XKR4: variants seen among roughly 807,000 people sequenced by gnomAD.
XKR4 encodes XK-related protein 4.
XKR4 carries 12 observed loss-of-function variants against 53.9 expected under a neutral mutation model. The observed-to-expected ratio is 0.22, with a 90% CI of 0.14 to 0.36. The LOEUF (loss-of-function observed/expected upper bound fraction) is 0.36. Ranked by LOEUF, XKR4 falls within the 10% of genes least tolerant of loss-of-function variation. XKR4 has a pLI of 1.00. For synonymous variants in XKR4, 354 were observed against 362.4 expected, an observed-to-expected ratio of 0.98 and a Z score of 0.26; for missense variants, 799 against 859.5, an observed-to-expected ratio of 0.93 and a Z score of 0.88.
intron 1 of XKR4, among the ~76,000 whole-genome samples, chr8:55,223,448 C>T (rs1817912112): frequency 6.6e-6 from 1 of 152,192 alleles, no homozygotes. Flanking sequence ...CTCCAGTTTA[C>T]AGTCCACATG....
At chr8:55,146,883 G>C (rs1051515104) in intron 1 of XKR4, among the ~76,000 whole-genome samples, 3 of 152,194 alleles carry the variant, frequency 2.0e-5, no homozygotes, top group Admixed American at 1.3e-4. Flanking sequence ...GGGTAGGGGA[G>C]GGGGCAGCTG....
At chr8:55,326,662 G>A (rs1803299523) in intron 1 of XKR4, among the ~76,000 whole-genome samples, 1 of 151,178 alleles carries the variant, frequency 6.6e-6, no homozygotes, top group African/African-American at 2.4e-5. Context: ...ATGGAGATGA[G>A]GCTTCACCAT....
intron 2 of XKR4, among the ~76,000 whole-genome samples, chr8:55,427,941 T>G (rs1369017977): frequency 6.6e-6 from 1 of 152,254 alleles, no homozygotes; most frequent in Non-Finnish European, 1.5e-5. Context: ...GGTCTCACGA[T>G]GAGGCTACTA....
At chr8:55,258,549 A>G (rs10093829) in intron 1 of XKR4, among the ~76,000 whole-genome samples, 54 of 152,124 alleles carry the variant, frequency 3.5e-4, no homozygotes, top group African/African-American at 9.6e-4. Flanking sequence ...AATGACATCA[A>G]TGTCCACCTC....
chr8:55,319,423 T>G (rs1393697861), intron 1 of XKR4, among the ~76,000 whole-genome samples: 1 of 152,216 alleles, frequency 6.6e-6, no homozygotes, highest in East Asian at 1.9e-4. Flanking sequence ...GTCACTCTTT[T>G]GATGCACATA....
At chr8:55,414,250 T>C (rs897563342) in intron 2 of XKR4, among the ~76,000 whole-genome samples, 1 of 152,316 alleles carries the variant, frequency 6.6e-6, no homozygotes, top group East Asian at 1.9e-4. Context: ...AACTGTTCCT[T>C]GGTCTTCAAA....
intron 1 of XKR4, among the ~76,000 whole-genome samples, chr8:55,223,039 G>A (rs1817902071): frequency 6.6e-6 from 1 of 152,118 alleles, no homozygotes; most frequent in Non-Finnish European, 1.5e-5. Context: ...TTGTCCAGGA[G>A]AGGAAAGAGC....
intron 1 of XKR4, among the ~76,000 whole-genome samples, chr8:55,156,752 T>G (rs1816913193): frequency 6.6e-6 from 1 of 152,178 alleles, no homozygotes; most frequent in Admixed American, 6.5e-5. Flanking sequence ...AAATGAAAGA[T>G]GGGAAAAGGG....
In XKR4 at chr8:55,102,266, C is replaced by A; in HGVS notation, c.-223C>A. ...GCTTGGCTCCGCGCAGGCAGCCAGG[C>A]GGCGCTCCTGCCGGCCCCAGGCGCG... On this transcript the variant is annotated 5_prime_UTR_variant, in exon 1 of 3. Coordinates refer to ENST00000327381, the MANE Select transcript of XKR4 (RefSeq NM_052898.2). The surrounding 1 kb of genome is among the most constrained non-coding windows in gnomAD (Gnocchi z 5.1). The A allele has an allele frequency of 4.8e-6, 2 of 413,142 alleles. No individual in the cohort carries two copies. The highest frequency in any genetic ancestry group is 6.4e-6 in the Non-Finnish European group (2 of 310,142). 25.6% of individuals were successfully genotyped at this position (413,142 alleles called of 1,614,324 possible).
At chr8:55,156,683 A>G (rs1816912666) in intron 1 of XKR4, among the ~76,000 whole-genome samples, 1 of 152,198 alleles carries the variant, frequency 6.6e-6, no homozygotes, top group African/African-American at 2.4e-5. Flanking sequence ...AAGTCTCTTA[A>G]TACTATTTCA....
At chr8:55,343,940 C>T (rs2129382524) in intron 1 of XKR4, among the ~76,000 whole-genome samples, 1 of 152,312 alleles carries the variant, frequency 6.6e-6, no homozygotes, top group Admixed American at 6.5e-5. Context: ...GGACCTAAAC[C>T]TCTGAAAGCG....
rs181149163 is a variant in XKR4 at position 55,460,391 on chromosome 8, T to C, written c.1007-62890T>C. Among the ~76,000 whole-genome samples the C allele has an allele frequency of 1.6e-3, 242 of 152,292 alleles. 1 individual carries two copies. The highest frequency in any genetic ancestry group is 5.7e-3 in the African/African-American group (238 of 41,564). Reference sequence around the variant, plus strand: ...AAATTTGCTCAAAATCATTGAACCATATGCTTAAAACAAGTGGATATTATG... The same window carrying C: ...AAATTTGCTCAAAATCATTGAACCACATGCTTAAAACAAGTGGATATTATG... On this transcript the variant is annotated intron_variant, in intron 2 of 2. Coordinates refer to ENST00000327381, the MANE Select transcript of XKR4 (RefSeq NM_052898.2).
chr8:55,302,888 G>T (rs994432345), intron 1 of XKR4, among the ~76,000 whole-genome samples: 35 of 152,316 alleles, frequency 2.3e-4, no homozygotes, highest in Non-Finnish European at 4.3e-4. Flanking sequence ...AGCTTAAGGA[G>T]ATTTTGGGCT....
At chr8:55,201,429 A>G (rs1817576026) in intron 1 of XKR4, among the ~76,000 whole-genome samples, 1 of 152,214 alleles carries the variant, frequency 6.6e-6, no homozygotes, top group South Asian at 2.1e-4. Flanking sequence ...ATATTTATAT[A>G]TCCCTGTCCT....
chr8:55,432,145 T>TTG (rs1223189854), intron 2 of XKR4, among the ~76,000 whole-genome samples: 1 of 152,202 alleles, frequency 6.6e-6, no homozygotes, highest in African/African-American at 2.4e-5. Flanking sequence ...GAGCATTGGC[T>TTG]TGTGTGTGTG....
intron 1 of XKR4, among the ~76,000 whole-genome samples, chr8:55,257,466 A>AGAG (rs1294372211): frequency 1.3e-5 from 2 of 151,170 alleles, no homozygotes; most frequent in African/African-American, 4.9e-5. Flanking sequence ...GAGAGAGAGA[A>AGAG]AGAGAGAGAA....
At chr8:55,474,826 A>C (rs1030935422) in intron 2 of XKR4, among the ~76,000 whole-genome samples, 1 of 152,130 alleles carries the variant, frequency 6.6e-6, no homozygotes, top group Non-Finnish European at 1.5e-5. Flanking sequence ...CTATATCTGG[A>C]CACCCAGGCA....
intron 2 of XKR4, chr8:55,450,453 G>T: frequency 1.7e-6 from 1 of 585,892 alleles, no homozygotes. Context: ...GACCTGCAAG[G>T]CAGCTGGCTC....
chr8:55,381,260 G>A (rs574394263), intron 2 of XKR4, among the ~76,000 whole-genome samples: 5 of 151,964 alleles, frequency 3.3e-5, no homozygotes, highest in South Asian at 2.1e-4. Context: ...ATTTTCCTTC[G>A]CCTCTTTCTT....
Sources: gnomAD v4.1 joint callset for allele counts (sites outside exome capture counted in the v4.1 genomes callset) on GRCh38, gnomAD v4.1.1 for gene constraint, Gnocchi (gnomAD v3.1) non-coding constraint, MANE v1.5 for transcripts, NCBI Gene and HGNC (gene_info 2026-07-23, HGNC 2026-07-21) for gene names.